Variants in PEX5L observed in about 807,000 individuals in gnomAD.
PEX5L encodes PEX5-related protein.
In PEX5L, 30 loss-of-function variants were observed where a neutral mutation model predicts 84.0. The observed-to-expected ratio is 0.36, with a 90% confidence interval of 0.27 to 0.48. The LOEUF (loss-of-function observed/expected upper bound fraction) is 0.48. Ranked by LOEUF, PEX5L falls within the 20% of genes least tolerant of loss-of-function variation. The pLI is 0.99. For missense variants in PEX5L, 533 were observed against 754.6 expected (o/e 0.71, Z 3.44); for synonymous variants, 270 against 283.1 (o/e 0.95, Z 0.46).
At chr3:179,955,171 G>A (rs887709397) in intron 2 of PEX5L, among the ~76,000 whole-genome samples, 1 of 152,074 alleles carries the variant, frequency 6.6e-6, no homozygotes, top group Non-Finnish European at 1.5e-5. Context: ...GGAAGCTAGA[G>A]GCAGGCCTTC....
At chr3:179,983,898 T>C (rs142536856) in intron 1 of PEX5L, among the ~76,000 whole-genome samples, 394 of 152,140 alleles carry the variant, frequency 2.6e-3, no homozygotes, top group African/African-American at 9.0e-3. Flanking sequence ...TAATGAAGTA[T>C]GACAACATTG....
At chr3:180,032,758 G>T (rs746738684) in intron 1 of PEX5L, among the ~76,000 whole-genome samples, 1 of 152,182 alleles carries the variant, frequency 6.6e-6, no homozygotes, top group Non-Finnish European at 1.5e-5. Context: ...GGAGACTGAG[G>T]TGGGAGAATT....
chr3:179,956,224 C>T (rs1298789632), intron 2 of PEX5L, among the ~76,000 whole-genome samples: 1 of 152,128 alleles, frequency 6.6e-6, no homozygotes, highest in Admixed American at 6.5e-5. Context: ...AATTTTAGCA[C>T]CCTCACTTGT....
In PEX5L at chr3:179,851,061, T is replaced by C. The variant is rs9841906; in HGVS notation, c.822+8001A>G. Among the ~76,000 whole-genome samples, 1,355 of 152,330 alleles carry C rather than the reference T, an allele frequency of 8.9e-3. 23 individuals are homozygous for C. Among genetic ancestry groups the C allele is most frequent in the African/African-American group, 0.031 (1,297 of 41,564 alleles). On this transcript the variant is annotated intron_variant, in intron 8 of 14. Transcript: ENST00000467460. ...TTCAGGTAAAAACAAAATTTCTATA[T>C]GGAAAGCACTTTTGAGTTTATGTCA...
intron 1 of PEX5L, among the ~76,000 whole-genome samples, chr3:180,013,877 G>A (rs1163472435): frequency 6.6e-6 from 1 of 152,042 alleles, no homozygotes; most frequent in Non-Finnish European, 1.5e-5. Context: ...TTTTCTACAA[G>A]GAACACGTGT....
intron 2 of PEX5L, among the ~76,000 whole-genome samples, chr3:179,938,642 C>G (rs1246716382): frequency 6.6e-6 from 1 of 152,170 alleles, no homozygotes; most frequent in East Asian, 1.9e-4. Context: ...AAAAAGATAA[C>G]TATTTTAAGT....
At chr3:180,002,086 C>A (rs143786724) in intron 1 of PEX5L, among the ~76,000 whole-genome samples, 1 of 152,116 alleles carries the variant, frequency 6.6e-6, no homozygotes, top group South Asian at 2.1e-4. Context: ...CTTTTTAATG[C>A]CTGCATGTTA....
At chr3:180,005,092 TATAAC>T (rs1460197974) in intron 1 of PEX5L, among the ~76,000 whole-genome samples, 2 of 152,150 alleles carry the variant, frequency 1.3e-5, no homozygotes, top group African/African-American at 2.4e-5. Flanking sequence ...CTTTTTTTCT[TATAAC>T]ATATAGCAGG....
At chr3:179,824,126 AG>A (rs1393431015) in intron 8 of PEX5L, among the ~76,000 whole-genome samples, 1 of 152,212 alleles carries the variant, frequency 6.6e-6, no homozygotes, top group African/African-American at 2.4e-5. Flanking sequence ...GGAAAGTTTA[AG>A]GGATGGCAGC....
intron 8 of PEX5L, among the ~76,000 whole-genome samples, chr3:179,844,173 ATG>A (rs1341868903): frequency 1.3e-5 from 2 of 152,160 alleles, no homozygotes; most frequent in Non-Finnish European, 2.9e-5. Flanking sequence ...GCGTGTGTGC[ATG>A]TGTGTGTGTT....
At chr3:179,975,813 C>T (rs188587372) in intron 1 of PEX5L, among the ~76,000 whole-genome samples, 6 of 152,166 alleles carry the variant, frequency 3.9e-5, no homozygotes, top group Admixed American at 3.9e-4. Context: ...TTCCTCATAT[C>T]TGCTTTTCCT....
At chr3:180,015,197 C>A (rs980895792) in intron 1 of PEX5L, among the ~76,000 whole-genome samples, 3 of 152,164 alleles carry the variant, frequency 2.0e-5, no homozygotes, top group Admixed American at 6.5e-5. Flanking sequence ...CCCTTGAGGA[C>A]AGGAACCACA....
chr3:179,863,955 A>G (rs1000944349), intron 7 of PEX5L, among the ~76,000 whole-genome samples: 9 of 152,106 alleles, frequency 5.9e-5, no homozygotes, highest in Non-Finnish European at 1.3e-4. Context: ...TGCTCTTATG[A>G]TAGTGAATAA....
intron 7 of PEX5L, among the ~76,000 whole-genome samples, chr3:179,866,814 C>T (rs149160649): frequency 8.0e-4 from 121 of 151,804 alleles, no homozygotes; most frequent in African/African-American, 2.5e-3. Context: ...TGCCCGAGCT[C>T]GGGAGTTTGA....
chr3:179,949,735 A>G (rs1336198161), intron 2 of PEX5L, among the ~76,000 whole-genome samples: 1 of 152,206 alleles, frequency 6.6e-6, no homozygotes, highest in Non-Finnish European at 1.5e-5. Context: ...GCCTCATCTG[A>G]CAAGCAGGTG....
At chr3:179,881,501 G>A (rs1486606375) in intron 4 of PEX5L, 1 of 152,144 alleles carries the variant, frequency 6.6e-6, no homozygotes, top group Non-Finnish European at 1.5e-5. Context: ...ATTTGAAAAT[G>A]GGGAATTAAT....
At chr3:179,896,064 C>CTAGA (rs753002030) in intron 3 of PEX5L, 1 of 152,112 alleles carries the variant, frequency 6.6e-6, no homozygotes, top group Non-Finnish European at 1.5e-5. Context: ...GATACACGGA[C>CTAGA]TAGATGCTAT....
intron 13 of PEX5L, 52 bp from the exon 14 acceptor site, chr3:179,807,883 G>A: frequency 1.3e-6 from 2 of 1,504,668 alleles, no homozygotes; most frequent in Non-Finnish European, 1.8e-6. Flanking sequence ...CACAATGACA[G>A]AGCATTCCTG....
At chr3:180,006,375 TC>T (rs1788898526) in intron 1 of PEX5L, among the ~76,000 whole-genome samples, 2 of 151,990 alleles carry the variant, frequency 1.3e-5, no homozygotes, top group African/African-American at 2.4e-5. Flanking sequence ...TATTTTTTTT[TC>T]ATTTTTACAA....
Sources: allele counts gnomAD v4.1 joint callset (sites outside exome capture counted in the v4.1 genomes callset), GRCh38; gene constraint gnomAD v4.1.1; transcripts MANE v1.5; gene names NCBI Gene and HGNC (gene_info 2026-07-23, HGNC 2026-07-21).